Variants in SLC9A9 observed in about 807,000 individuals in gnomAD.
SLC9A9 encodes solute carrier family 9 member A9.
SLC9A9 carries 62 observed loss-of-function variants against 77.8 expected under a neutral mutation model. The observed-to-expected ratio is 0.80, with a 90% confidence interval of 0.65 to 0.98. The LOEUF (loss-of-function observed/expected upper bound fraction) is 0.98. SLC9A9 is among the 50% of genes least tolerant of loss of function. The probability of loss-of-function intolerance (pLI) is 0.00; values close to 1 mark genes in which losing one functional copy is unlikely to be tolerated. For synonymous variants in SLC9A9, 320 were observed against 283.5 expected (o/e 1.13, Z -1.29); for missense variants, 775 against 774.9 (o/e 1.00, Z 0.00).
At chr3:143,420,864 C>G (rs1417461252) in intron 12 of SLC9A9, among the ~76,000 whole-genome samples, 1 of 152,088 alleles carries the variant, frequency 6.6e-6, no homozygotes, top group Non-Finnish European at 1.5e-5. Flanking sequence ...GTATATGATT[C>G]TATCATATCA....
chr3:143,369,174 T>A (rs573352678), intron 13 of SLC9A9, among the ~76,000 whole-genome samples: 1 of 152,322 alleles, frequency 6.6e-6, no homozygotes, highest in African/African-American at 2.4e-5. Context: ...GTCTGTATAG[T>A]AGATCCAAGT....
chr3:143,502,500 A>G (rs1007231802), intron 9 of SLC9A9, among the ~76,000 whole-genome samples: 9 of 152,236 alleles, frequency 5.9e-5, no homozygotes, highest in African/African-American at 2.2e-4. Context: ...TATTTTATAA[A>G]ATATGTTTAT....
intron 5 of SLC9A9, among the ~76,000 whole-genome samples, chr3:143,681,499 T>A (rs1435596218): frequency 1.3e-5 from 2 of 152,228 alleles, no homozygotes; most frequent in African/African-American, 4.8e-5. Flanking sequence ...GATGGATTTA[T>A]TTATCTGACA....
chr3:143,505,531 C>G (rs924134590), intron 9 of SLC9A9, among the ~76,000 whole-genome samples: 16 of 152,154 alleles, frequency 1.1e-4, no homozygotes, highest in African/African-American at 3.6e-4. Flanking sequence ...AGAGGAGGTG[C>G]ACCACTTAAG....
At chr3:143,832,444 ATT>A (rs918809614) in intron 1 of SLC9A9, among the ~76,000 whole-genome samples, 3 of 151,860 alleles carry the variant, frequency 2.0e-5, no homozygotes, top group Non-Finnish European at 4.4e-5. Flanking sequence ...AAATCTTCCC[ATT>A]TTTTTTCTCC....
Position 143,715,195 on chromosome 3 carries a change from A to G in SLC9A9, c.534-21888T>C, listed in dbSNP as rs551370233. 8.4e-4 allele frequency among the ~76,000 whole-genome samples: 11 copies of G among 13,042 alleles called. No individual in the cohort carries two copies. In the African/African-American group the frequency reaches 0.01, roughly 12 times the overall value. The allele number at this position is 13,042 out of a possible 152,430, so 8.6% of individuals were successfully genotyped here. On this transcript the variant is annotated intron_variant, in intron 4 of 15. Transcript: ENST00000316549. ...GAAAATGGACTAATATAGGTTCTTT[A>G]TTCTTTTCTTTCAGTTCCCTCTCTT...
At chr3:143,782,546 G>A (rs1236787885) in intron 4 of SLC9A9, among the ~76,000 whole-genome samples, 1 of 152,070 alleles carries the variant, frequency 6.6e-6, no homozygotes, top group Non-Finnish European at 1.5e-5. Context: ...CTTACAAAAA[G>A]GGCACAATAA....
chr3:143,614,359 T>C (rs1306118130), intron 6 of SLC9A9, among the ~76,000 whole-genome samples: 3 of 152,202 alleles, frequency 2.0e-5, no homozygotes, highest in Non-Finnish European at 4.4e-5. Flanking sequence ...ATTTAGTCCT[T>C]TGATCAGTGC....
chr3:143,506,877 T>C (rs544514165), intron 9 of SLC9A9, among the ~76,000 whole-genome samples: 109 of 152,304 alleles, frequency 7.2e-4, no homozygotes, highest in African/African-American at 2.3e-3. Context: ...TGAAACAATA[T>C]ATTTTCTGTG....
At chr3:143,553,585 T>TA (rs368278594) in intron 8 of SLC9A9, among the ~76,000 whole-genome samples, 1 of 152,196 alleles carries the variant, frequency 6.6e-6, no homozygotes, top group Non-Finnish European at 1.5e-5. Flanking sequence ...AACTGAGCTT[T>TA]AAAAAAATAT....
intron 14 of SLC9A9, among the ~76,000 whole-genome samples, chr3:143,311,678 G>A (rs570848067): frequency 5.8e-4 from 88 of 152,248 alleles, no homozygotes; most frequent in Admixed American, 1.4e-3. Context: ...TTGTGAAAAC[G>A]TCTCTCCTCT....
chr3:143,382,274 A>G, intron 12 of SLC9A9, 160 bp from the exon 13 acceptor site: 1 of 763,002 alleles, frequency 1.3e-6, no homozygotes, highest in East Asian at 2.6e-5. Context: ...TCAGATTTAT[A>G]CCAAAATAAG....
At chr3:143,730,753 G>A (rs900113807) in intron 4 of SLC9A9, among the ~76,000 whole-genome samples, 6 of 152,036 alleles carry the variant, frequency 3.9e-5, no homozygotes, top group African/African-American at 1.5e-4. Flanking sequence ...CACTTAGTAA[G>A]CAATAGATAA....
intron 12 of SLC9A9, among the ~76,000 whole-genome samples, chr3:143,384,342 T>G (rs748025957): frequency 1.1e-4 from 16 of 152,148 alleles, no homozygotes; most frequent in Non-Finnish European, 1.6e-4. Flanking sequence ...AGGTGCTGGC[T>G]GTTCCCTAGA....
At chr3:143,268,756 A>ATG (rs1234904913) in intron 15 of SLC9A9, 119 bp downstream of exon 15, 1 of 562,408 alleles carries the variant, frequency 1.8e-6, no homozygotes, top group Non-Finnish European at 3.2e-6. Context: ...AAAAAAAAAA[A>ATG]AGCTTCCTCC....
At chr3:143,714,249 A>G (rs62267235) in intron 4 of SLC9A9, among the ~76,000 whole-genome samples, 20,021 of 152,112 alleles carry the variant, frequency 0.13, 2,489 homozygotes, top group African/African-American at 0.33. Flanking sequence ...GAGGACCTGC[A>G]GGTACCTCAA....
At chr3:143,634,884 G>T (rs927681867) in intron 6 of SLC9A9, among the ~76,000 whole-genome samples, 4 of 151,992 alleles carry the variant, frequency 2.6e-5, no homozygotes, top group African/African-American at 9.7e-5. Context: ...CTTTTTAAAA[G>T]CCTGACTATT....
At chr3:143,764,969 TC>T (rs1560068958) in intron 4 of SLC9A9, among the ~76,000 whole-genome samples, 1 of 117,504 alleles carries the variant, frequency 8.5e-6, no homozygotes, top group Admixed American at 8.1e-5. Flanking sequence ...TGTTTCTCTT[TC>T]TTTCCTTCCT....
chr3:143,388,657 C>T (rs1433653913), intron 12 of SLC9A9, among the ~76,000 whole-genome samples: 2 of 152,100 alleles, frequency 1.3e-5, no homozygotes, highest in Admixed American at 1.3e-4. Flanking sequence ...TGTGTGCACC[C>T]TACATTGAGT....
Sources: allele counts gnomAD v4.1 joint callset (sites outside exome capture counted in the v4.1 genomes callset), GRCh38; gene constraint gnomAD v4.1.1; transcripts MANE v1.5; gene names NCBI Gene and HGNC (gene_info 2026-07-23, HGNC 2026-07-21).